THBS2: variants seen among roughly 807,000 people sequenced by gnomAD.
THBS2 encodes the protein thrombospondin-2.
A neutral mutation model predicts 135.2 loss-of-function variants in THBS2; 47 were observed. The ratio of observed to expected loss-of-function variants is 0.35; its 90% CI spans 0.28 to 0.44. The LOEUF (loss-of-function observed/expected upper bound fraction) is 0.44, where lower values mean the gene tolerates loss of function less well. Ranked by LOEUF, THBS2 falls within the 20% of genes least tolerant of loss-of-function variation. The pLI, the probability that THBS2 is intolerant of heterozygous loss-of-function variation, is 1.00. For synonymous variants in THBS2, 639 were observed against 633.8 expected, an observed-to-expected ratio of 1.01 and a Z score of -0.12; for missense variants, 1,288 against 1,603.1, an observed-to-expected ratio of 0.80 and a Z score of 3.36.
chr6:169,231,746 C>T (rs956497516), intron 13 of THBS2, among the ~76,000 whole-genome samples: 3 of 152,180 alleles, frequency 2.0e-5, no homozygotes, highest in African/African-American at 7.2e-5. Flanking sequence ...CCGACGTGCC[C>T]GAGGTTCTCT....
intron 14 of THBS2, among the ~76,000 whole-genome samples, chr6:169,228,792 T>C (rs1409228103): frequency 6.6e-6 from 1 of 151,682 alleles, no homozygotes; most frequent in African/African-American, 2.4e-5. Context: ...GGCGTGGTGG[T>C]GTGCGCCTGT....
rs1159323790 is a variant in THBS2, at chr6:169,241,365, A to C, written c.891+397T>G. Reference sequence around the variant, plus strand: ...GTCCTGCCTCTTCAGCTATGCCAACATGCAGTCCTTGAAATAAAATTATTT... The same window carrying C: ...GTCCTGCCTCTTCAGCTATGCCAACCTGCAGTCCTTGAAATAAAATTATTT... On this transcript the variant is annotated intron_variant, in intron 5 of 21. Coordinates refer to ENST00000617924, the MANE Select transcript of THBS2 (RefSeq NM_003247.5). The surrounding 1 kb of genome is among the most constrained non-coding windows in gnomAD (Gnocchi z 5.5). Among the ~76,000 whole-genome samples, 1 of 152,018 alleles carries C rather than the reference A, an allele frequency of 6.6e-6. No homozygotes were observed. Among genetic ancestry groups the C allele is most frequent in the Non-Finnish European group, 1.5e-5 (1 of 68,008 alleles).
At chr6:169,220,077 T>C (rs2114970982) in intron 21 of THBS2, 121 bp downstream of exon 21, 1 of 1,254,010 alleles carries the variant, frequency 8.0e-7, no homozygotes, top group Admixed American at 2.2e-5. Context: ...ATGTGTGGTA[T>C]TGTGCATTAG....
At chr6:169,230,893 AAATT>A (rs1432030131) in intron 13 of THBS2, among the ~76,000 whole-genome samples, 31 of 152,212 alleles carry the variant, frequency 2.0e-4, no homozygotes, top group African/African-American at 7.0e-4. Flanking sequence ...CTGACAGAGA[AAATT>A]AACACAAAAT....
chr6:169,236,406 C>G (rs1780074330), intron 9 of THBS2, among the ~76,000 whole-genome samples: 1 of 129,994 alleles, frequency 7.7e-6, no homozygotes, highest in African/African-American at 2.9e-5. Context: ...ACTCATTCCC[C>G]CATAAACACC....
At chr6:169,226,703 G>A (rs1160318681) in intron 15 of THBS2, among the ~76,000 whole-genome samples, 1 of 152,238 alleles carries the variant, frequency 6.6e-6, no homozygotes, top group Admixed American at 6.5e-5. Flanking sequence ...CAATGGCAGA[G>A]AGTGGCAGGG....
intron 2 of THBS2, among the ~76,000 whole-genome samples, chr6:169,249,560 A>C (rs1780685418): frequency 6.6e-6 from 1 of 152,184 alleles, no homozygotes; most frequent in Non-Finnish European, 1.5e-5. Context: ...ACTGCCTAAA[A>C]CCAGTTATGT....
At chr6:169,234,960 C>G (rs1233512837) in intron 9 of THBS2, 53 bp from the exon 10 acceptor site, 2 of 1,541,068 alleles carry the variant, frequency 1.3e-6, no homozygotes, top group South Asian at 2.4e-5. Flanking sequence ...GGGTGGAGAA[C>G]GTGAGTTGGC....
intron 3 of THBS2, 29 bp downstream of exon 3, chr6:169,248,388 C>T (rs769341112): frequency 1.9e-6 from 3 of 1,572,462 alleles, no homozygotes; most frequent in Non-Finnish European, 2.6e-6. Flanking sequence ...TTTCCTCCCT[C>T]ACGGCGGCCA....
intron 2 of THBS2, among the ~76,000 whole-genome samples, chr6:169,249,562 C>A (rs1780685569): frequency 6.6e-6 from 1 of 152,168 alleles, no homozygotes; most frequent in African/African-American, 2.4e-5. Context: ...TGCCTAAAAC[C>A]AGTTATGTCA....
chr6:169,237,859 C>A lies in THBS2; in HGVS notation c.1130-64G>T. The stretch of plus-strand genomic sequence containing the variant: ...CTCACAGACGTGCCACAGAACAGAA[C>A]GGGCACAGGGCAGCTGGCGTGGGGC... On this transcript the variant is annotated intron_variant, in intron 7 of 21. Coordinates refer to ENST00000617924, the MANE Select transcript of THBS2 (RefSeq NM_003247.5). 1.9e-6 allele frequency: 3 copies of A among 1,544,676 alleles called. 1 individual carries two copies. The South Asian group carries it at 3.6e-5, about 18-fold the overall frequency.
intron 3 of THBS2, 126 bp downstream of exon 3, chr6:169,248,291 G>T: frequency 1.8e-6 from 2 of 1,111,284 alleles, no homozygotes; most frequent in African/African-American, 1.6e-5. Context: ...ATGCCGGGAT[G>T]TGCAGTGTGC....
intron 6 of THBS2, 43 bp downstream of exon 6, chr6:169,240,409 G>A (rs763744415): frequency 3.6e-5 from 57 of 1,604,454 alleles, no homozygotes; most frequent in Non-Finnish European, 4.5e-5. Context: ...CCAAGTGTCC[G>A]ATGGTGGCCT....
At chr6:169,234,697 C>A in intron 10 of THBS2, 37 bp downstream of exon 10, 1 of 1,459,800 alleles carries the variant, frequency 6.9e-7, no homozygotes, top group African/African-American at 1.4e-5. Flanking sequence ...GAATGGAAGC[C>A]CGGGTTTCAG....
rs1562353955 is a variant in THBS2, at chr6:169,223,391, G to C, written c.2858C>G (p.Ala953Gly). 5 of 1,614,132 alleles carry C rather than the reference G, an allele frequency of 3.1e-6. No homozygotes were observed. The highest frequency in any genetic ancestry group is 3.4e-6 in the Non-Finnish European group (4 of 1,180,030). Residue 953 changes from alanine to glycine, a missense_variant, in exon 18 of 22, where the codon GCC (alanine) becomes GGC (glycine). Ala to Gly is a moderately conservative substitution (Grantham distance 60). Around this residue, in one of 2 missense-constraint regions of THBS2, gnomAD observed 874 missense variants for 1,156.1 expected, o/e 0.76. Coordinates refer to ENST00000617924, the MANE Select transcript of THBS2 (RefSeq NM_003247.5). ...DIDDVCPENN[A>G]ISETDFRNFQ... ...GTTCCTGAAGTCTGTCTCACTGATG[G>C]CATTGTTTTCAGGACACACATCATC...
At chr6:169,218,465 GGATA>G (rs1779270974) in intron 21 of THBS2, among the ~76,000 whole-genome samples, 1 of 125,534 alleles carries the variant, frequency 8.0e-6, no homozygotes, top group Non-Finnish European at 1.7e-5. Context: ...TGGATGGATG[GGATA>G]GATGAGTGGG....
chr6:169,231,946 T>A, intron 13 of THBS2, 34 bp downstream of exon 13: 1 of 1,607,152 alleles, frequency 6.2e-7, no homozygotes, highest in Non-Finnish European at 8.5e-7. Flanking sequence ...CTGACCGCCG[T>A]GGCCCCGTGT....
chr6:169,247,786 G>A (rs576413874), intron 3 of THBS2, among the ~76,000 whole-genome samples: 57 of 150,926 alleles, frequency 3.8e-4, no homozygotes, highest in African/African-American at 1.3e-3. Context: ...TGTGGTATGT[G>A]CACACGTCTG....
chr6:169,236,338 C>T (rs1293152788), intron 9 of THBS2, among the ~76,000 whole-genome samples: 2 of 117,790 alleles, frequency 1.7e-5, no homozygotes, highest in Admixed American at 8.4e-5. Flanking sequence ...CCCATCCACA[C>T]TCACTCCCCA....
Sources: gnomAD v4.1 joint callset for allele counts (sites outside exome capture counted in the v4.1 genomes callset) on GRCh38, gnomAD v4.1.1 for gene constraint, gnomAD v4.1.1 regional missense constraint, Gnocchi (gnomAD v3.1) non-coding constraint, MANE v1.5 for transcripts, NCBI Gene and HGNC (gene_info 2026-07-23, HGNC 2026-07-21) for gene names.